Variants in MYO1E observed in about 807,000 individuals in gnomAD.
MYO1E encodes unconventional myosin-Ie.
In MYO1E, 68 loss-of-function variants were observed where a neutral mutation model predicts 151.1. The observed-to-expected ratio is 0.45, with a 90% CI of 0.37 to 0.55. The LOEUF (loss-of-function observed/expected upper bound fraction) is 0.55. Ranked by LOEUF, MYO1E falls within the 20% of genes least tolerant of loss-of-function variation. MYO1E has a pLI of 0.00. For missense variants in MYO1E, 1,363 were observed against 1,389.3 expected (o/e 0.98, Z 0.30); for synonymous variants, 601 against 501.7 (o/e 1.20, Z -2.64).
intron 4 of MYO1E, among the ~76,000 whole-genome samples, chr15:59,246,949 G>A (rs559018464): frequency 4.6e-5 from 7 of 152,294 alleles, no homozygotes; most frequent in African/African-American, 1.7e-4. Context: ...TATGCAGAGA[G>A]CATCACGGCC....
chr15:59,264,263 G>T (rs75379561), intron 2 of MYO1E, among the ~76,000 whole-genome samples: 4 of 152,282 alleles, frequency 2.6e-5, no homozygotes, highest in African/African-American at 9.6e-5. Flanking sequence ...GGGAAACTGA[G>T]GCACGGAGAA....
At chr15:59,304,134 C>T (rs1187285105) in intron 1 of MYO1E, among the ~76,000 whole-genome samples, 1 of 151,900 alleles carries the variant, frequency 6.6e-6, no homozygotes, top group Non-Finnish European at 1.5e-5. Context: ...AGGCACACAC[C>T]GCCACGCCTA....
chr15:59,310,940 T>G (rs761673286), intron 1 of MYO1E, among the ~76,000 whole-genome samples: 2 of 152,146 alleles, frequency 1.3e-5, no homozygotes, highest in Non-Finnish European at 2.9e-5. Flanking sequence ...TAGTGTGCCA[T>G]GTAAGCCCTC....
At chr15:59,358,678 T>G (rs1317364586) in intron 1 of MYO1E, among the ~76,000 whole-genome samples, 2 of 152,242 alleles carry the variant, frequency 1.3e-5, no homozygotes, top group Non-Finnish European at 2.9e-5. Context: ...AAAATGGGTT[T>G]TCAATTATTT....
intron 4 of MYO1E, among the ~76,000 whole-genome samples, chr15:59,247,975 A>G (rs1384528530): frequency 1.3e-5 from 2 of 151,456 alleles, no homozygotes; most frequent in Non-Finnish European, 2.9e-5. Flanking sequence ...ATACAAACAA[A>G]AAATTAGCCA....
chr15:59,149,767 A>C (rs1407206800), intron 26 of MYO1E, among the ~76,000 whole-genome samples: 2 of 152,220 alleles, frequency 1.3e-5, no homozygotes, highest in African/African-American at 2.4e-5. Flanking sequence ...ATAAACTCAG[A>C]ATGTGAAAGC....
rs11539755 is a variant in MYO1E, at chr15:59,195,495, C to T, written c.1771G>A (p.Glu591Lys). The part of the protein sequence containing the change: ...PHYIRCIKPN[E>K]TKKPRDWEES... Reference sequence around the variant, plus strand: ...TCCCAGTCTCTGGGCTTCTTGGTTTCGTTTGGCTTGATGCAGCGAATGTAG... The same window carrying T: ...TCCCAGTCTCTGGGCTTCTTGGTTTTGTTTGGCTTGATGCAGCGAATGTAG... Residue 591 changes from glutamate (E) to lysine (K), a missense_variant, in exon 17 of 28, where the codon GAA (glutamate) becomes AAA (lysine). By Grantham distance (56) the Glu-to-Lys change is moderately conservative. Transcript: ENST00000288235. 7 of 1,613,980 alleles carry T rather than the reference C, an allele frequency of 4.3e-6. No homozygotes were observed. The highest frequency in any genetic ancestry group is 1.7e-5 in the Admixed American group (1 of 59,988).
chr15:59,285,814 A>G (rs2080384604), intron 1 of MYO1E, among the ~76,000 whole-genome samples: 1 of 152,276 alleles, frequency 6.6e-6, no homozygotes, highest in Admixed American at 6.5e-5. Context: ...GATTTTTATT[A>G]ATCATACAGG....
At chr15:59,253,519 G>T (rs182930902) in intron 4 of MYO1E, among the ~76,000 whole-genome samples, 16 of 128,524 alleles carry the variant, frequency 1.2e-4, no homozygotes, top group African/African-American at 4.2e-4. Context: ...GTCTCACTCT[G>T]TCGCCAGGCT....
chr15:59,236,427 CAT>C lies in MYO1E; in HGVS notation c.420+156_420+157del, dbSNP rs1411452045. ...ACACACACACACACACACAAACACA[CAT>C]ACATATGCTATTCCTTTCCATTCCA... On this transcript the variant is annotated intron_variant, in intron 5 of 27. Transcript: ENST00000288235. 3.3e-4 allele frequency among the ~76,000 whole-genome samples: 48 copies of C among 147,012 alleles called. 1 individual carries two copies. The highest frequency in any genetic ancestry group is 1.2e-3 in the African/African-American group (47 of 39,608).
rs1286149548 is a variant in MYO1E, at chr15:59,163,221, T to G, written c.2563A>C (p.Ser855Arg). 6.2e-7 allele frequency: 1 copy of G among 1,614,140 alleles called. No individual in the cohort carries two copies. The highest frequency in any genetic ancestry group is 1.1e-5 in the South Asian group (1 of 91,076). The change falls in exon 23 of 28, where the codon AGC becomes CGC. Residue 855 changes from serine (S) to arginine (R), a missense_variant. Coordinates refer to ENST00000288235, the MANE Select transcript of MYO1E (RefSeq NM_004998.4). ...LESVFKTEFLSLLAKRYEEKT... is the reference protein window; with the variant it reads ...LESVFKTEFLRLLAKRYEEKT... ...TCCTCGTAACGCTTTGCTAAGAGGCTTAGGAATTCAGTTTTGAAGACAGAT... is the reference window on the plus strand; with the variant it reads ...TCCTCGTAACGCTTTGCTAAGAGGCGTAGGAATTCAGTTTTGAAGACAGAT...
At chr15:59,212,672 G>A (rs2140341581) in intron 12 of MYO1E, 1 of 151,984 alleles carries the variant, frequency 6.6e-6, no homozygotes, top group East Asian at 1.9e-4. Flanking sequence ...GTCAAAAATT[G>A]TCAATGCTGA....
intron 1 of MYO1E, among the ~76,000 whole-genome samples, chr15:59,275,147 C>T (rs55800547): frequency 3.3e-5 from 5 of 152,218 alleles, no homozygotes; most frequent in Middle Eastern, 3.4e-3. Context: ...CGCATCCAAA[C>T]GTGGTTTCTT....
At position 59,174,155 on chromosome 15, in the gene MYO1E, C is replaced by T. The variant is rs369486853; in HGVS notation, c.2135G>A (p.Arg712Gln). ...TTCTCTCATTTGAACGTATTTCTTC[C>T]GGGCCACGAATTTCCTCCATGATTT... Reference protein sequence around the residue: ...IQKSWRKFVARKKYVQMREEA... With the variant: ...IQKSWRKFVAQKKYVQMREEA... The change falls in exon 20 of 28, where the codon CGG (arginine) becomes CAG (glutamine). Residue 712 changes from arginine to glutamine, a missense_variant. Coordinates refer to ENST00000288235, the MANE Select transcript of MYO1E (RefSeq NM_004998.4). 39 of 1,613,828 alleles carry T rather than the reference C, an allele frequency of 2.4e-5. No individual in the cohort carries two copies. Among genetic ancestry groups the T allele is most frequent in the African/African-American group, 9.3e-5 (7 of 75,006 alleles).
chr15:59,278,770 C>T (rs1465064325), intron 1 of MYO1E, among the ~76,000 whole-genome samples: 1 of 152,180 alleles, frequency 6.6e-6, no homozygotes, highest in Non-Finnish European at 1.5e-5. Context: ...CTCTCAACCC[C>T]TTACACTCCT....
intron 1 of MYO1E, among the ~76,000 whole-genome samples, chr15:59,353,110 AG>A (rs1163654596): frequency 6.6e-6 from 1 of 152,192 alleles, no homozygotes; most frequent in African/African-American, 2.4e-5. Context: ...CTTTCTCAAA[AG>A]TTGGATCCCA....
At chr15:59,295,081 C>G (rs2080441154) in intron 1 of MYO1E, among the ~76,000 whole-genome samples, 1 of 152,142 alleles carries the variant, frequency 6.6e-6, no homozygotes, top group Non-Finnish European at 1.5e-5. Context: ...CATCTCTGAA[C>G]TCTCCTTGTC....
Position 59,205,489 on chromosome 15 carries a change from G to C in MYO1E, c.1531-4C>G, listed in dbSNP as rs2079827617. On this transcript the variant is annotated splice_polypyrimidine_tract_variant and splice_region_variant and intron_variant, in intron 14 of 27. Transcript: ENST00000288235. ...AGCCATCCATGTCATAGGATACCTG[G>C]CCAAGAATGGAAAGAAATCGAATTT... 5.0e-6 allele frequency: 8 copies of C among 1,611,192 alleles called. No individual in the cohort carries two copies. Among genetic ancestry groups the C allele is most frequent in the Non-Finnish European group, 5.9e-6 (7 of 1,177,374 alleles).
In MYO1E at chr15:59,268,720, A is replaced by ATTTTTTTTTTTT. The variant is rs398027512; in HGVS notation, c.147+3574_147+3585dup. Among the ~76,000 whole-genome samples, 362 of 44,870 alleles carry ATTTTTTTTTTTT rather than the reference A, an allele frequency of 8.1e-3. 81 individuals carry two copies. Among genetic ancestry groups the ATTTTTTTTTTTT allele is most frequent in the African/African-American group, 0.018 (315 of 17,206 alleles). The allele number at this position is 44,870 out of a possible 152,430, so 29.4% of individuals were successfully genotyped here. A position where few individuals can be genotyped will look rare whatever the true frequency, so the allele number is the denominator to read the frequency against. ...GTGATGGGTTCTGGGTGACTTTGGTATTTTTTTTTTTTTTTTTTTTTGCTT... is the reference window on the plus strand; with the variant it reads ...GTGATGGGTTCTGGGTGACTTTGGTATTTTTTTTTTTTTTTTTTTTTTTTTTTTTTTTTGCTT... On this transcript the variant is annotated intron_variant, in intron 2 of 27. Transcript: ENST00000288235.
Sources: allele counts gnomAD v4.1 joint callset (sites outside exome capture counted in the v4.1 genomes callset), GRCh38; gene constraint gnomAD v4.1.1; transcripts MANE v1.5; gene names NCBI Gene and HGNC (gene_info 2026-07-23, HGNC 2026-07-21).